ESYT2: variants seen among roughly 807,000 people sequenced by gnomAD.
ESYT2 encodes extended synaptotagmin 2, also known as extended synaptotagmin-2.
A neutral mutation model predicts 107.2 loss-of-function variants in ESYT2; 54 were observed. The ratio of observed to expected loss-of-function variants is 0.50; its 90% CI spans 0.40 to 0.63. ESYT2 has a LOEUF of 0.63. ESYT2 is among the 30% of genes least tolerant of loss of function. The pLI, the probability that ESYT2 is intolerant of heterozygous loss-of-function variation, is 0.00. For missense variants in ESYT2, 1,020 were observed against 1,094.5 expected (o/e 0.93, Z 0.96); for synonymous variants, 491 against 434.1 (o/e 1.13, Z -1.63).
At chr7:158,825,855 C>T (rs1840424192) in intron 1 of ESYT2, among the ~76,000 whole-genome samples, 1 of 151,984 alleles carries the variant, frequency 6.6e-6, no homozygotes, top group South Asian at 2.1e-4. Context: ...GTTCAGAAAC[C>T]CCAAGCACCA....
chr7:158,756,478 T>C (rs1241905723), intron 13 of ESYT2, among the ~76,000 whole-genome samples: 1 of 152,224 alleles, frequency 6.6e-6, no homozygotes, highest in Non-Finnish European at 1.5e-5. Flanking sequence ...GTAAATCATG[T>C]AAGTGAAGGC....
intron 4 of ESYT2, among the ~76,000 whole-genome samples, chr7:158,792,777 T>G (rs1839343864): frequency 6.9e-6 from 1 of 144,716 alleles, no homozygotes; most frequent in Admixed American, 6.9e-5. Flanking sequence ...TTTTTTTTTT[T>G]TTTTTTTTTG....
At chr7:158,747,632 T>C (rs1837450221) in intron 16 of ESYT2, among the ~76,000 whole-genome samples, 1 of 152,160 alleles carries the variant, frequency 6.6e-6, no homozygotes, top group Non-Finnish European at 1.5e-5. Context: ...GCACAATCTC[T>C]TTGGAAAACA....
At chr7:158,747,472 G>T (rs1402349975) in intron 16 of ESYT2, among the ~76,000 whole-genome samples, 4 of 151,768 alleles carry the variant, frequency 2.6e-5, no homozygotes, top group Admixed American at 6.6e-5. Flanking sequence ...AAGATACAAA[G>T]ACCGTAAAAA....
At chr7:158,813,884 C>T (rs1021783083) in intron 1 of ESYT2, among the ~76,000 whole-genome samples, 18 of 151,236 alleles carry the variant, frequency 1.2e-4, no homozygotes, top group Non-Finnish European at 2.4e-4. Flanking sequence ...TAAAAATATA[C>T]GTTCCTCGTC....
chr7:158,804,409 AAAAGTGAGGCACGTG>A (rs557682963), intron 1 of ESYT2, among the ~76,000 whole-genome samples: 1 of 148,372 alleles, frequency 6.7e-6, no homozygotes, highest in Non-Finnish European at 1.5e-5. Flanking sequence ...AACTGTTGAG[AAAAGTGAGGCACGTG>A]ACAAACCCAA....
chr7:158,786,206 C>G (rs973679717), intron 6 of ESYT2, among the ~76,000 whole-genome samples: 1 of 152,180 alleles, frequency 6.6e-6, no homozygotes, highest in Non-Finnish European at 1.5e-5. Flanking sequence ...AACTAAGTAA[C>G]AGCACTATTA....
At chr7:158,809,253 G>A (rs921798301) in intron 1 of ESYT2, among the ~76,000 whole-genome samples, 4 of 151,884 alleles carry the variant, frequency 2.6e-5, no homozygotes, top group East Asian at 3.9e-4. Flanking sequence ...CAAGGCGGGC[G>A]GATCACAACG....
chr7:158,767,222 C>A (rs1354911126), intron 8 of ESYT2, among the ~76,000 whole-genome samples: 2 of 152,194 alleles, frequency 1.3e-5, no homozygotes, highest in Non-Finnish European at 2.9e-5. Flanking sequence ...TCAGAGGCAA[C>A]GGAATTCTAA....
chr7:158,757,849 C>A (rs1490449086), intron 13 of ESYT2, among the ~76,000 whole-genome samples: 2 of 151,856 alleles, frequency 1.3e-5, no homozygotes, highest in African/African-American at 2.4e-5. Flanking sequence ...AGAGGCCTAA[C>A]CTTTTGTAGT....
At chr7:158,740,345 T>G (rs1023107211) in intron 18 of ESYT2, among the ~76,000 whole-genome samples, 4 of 152,214 alleles carry the variant, frequency 2.6e-5, no homozygotes, top group African/African-American at 4.8e-5. Flanking sequence ...GGATAAGGAA[T>G]AGTCTCCTTT....
At chr7:158,818,797 G>A (rs968674003) in intron 1 of ESYT2, among the ~76,000 whole-genome samples, 4 of 152,238 alleles carry the variant, frequency 2.6e-5, no homozygotes, top group South Asian at 2.1e-4. Context: ...AGGAAGGGGT[G>A]GGTCTCAGGG....
At position 158,793,733 on chromosome 7, in the gene ESYT2, TAAG is replaced by T. The variant is rs1454224091; in HGVS notation, c.508-10_508-8del. The T allele has an allele frequency of 1.9e-6, 3 of 1,609,518 alleles. No homozygotes were observed. The highest frequency in any genetic ancestry group is 1.7e-6 in the Non-Finnish European group (2 of 1,177,690). On this transcript the variant is annotated splice_region_variant and splice_polypyrimidine_tract_variant and intron_variant, in intron 3 of 22. Coordinates refer to ENST00000275418, the MANE Select transcript of ESYT2 (RefSeq NM_001367773.1). ...CACCATTGATCCTGAGGGGCTGAAA[TAAG>T]AAGTAGCTTATTTTAAGATACAGAG...
At chr7:158,739,802 T>C (rs922690850) in intron 18 of ESYT2, among the ~76,000 whole-genome samples, 14 of 152,044 alleles carry the variant, frequency 9.2e-5, no homozygotes, top group African/African-American at 3.1e-4. Flanking sequence ...ACCCCCCCCT[T>C]CGCAGTTCAG....
chr7:158,767,035 T>C (rs990427746), intron 8 of ESYT2, among the ~76,000 whole-genome samples: 1 of 152,236 alleles, frequency 6.6e-6, no homozygotes, highest in African/African-American at 2.4e-5. Context: ...TGCTGGGTGC[T>C]GTCCCATTTT....
chr7:158,743,664 C>T lies in ESYT2; in HGVS notation c.1659G>A (p.Gln553=). The part of the protein sequence containing the change: ...QDLEVEVRDE[Q]HQCSLGNLKV... ...TCAGGTTCCCCAGGGAACACTGGTG[C>T]TGCTCGTCTCTGACCTGCAAAACAC... The change falls in exon 17 of 23, where the codon CAG becomes CAA. Residue 553 remains glutamine, a synonymous_variant. Coordinates refer to ENST00000275418, the MANE Select transcript of ESYT2 (RefSeq NM_001367773.1). The T allele has an allele frequency of 1.2e-6, 2 of 1,611,072 alleles. No individual in the cohort carries two copies. Among genetic ancestry groups the T allele is most frequent in the Non-Finnish European group, 1.7e-6 (2 of 1,179,196 alleles).
intron 8 of ESYT2, among the ~76,000 whole-genome samples, chr7:158,765,915 G>A (rs1224293854): frequency 6.6e-6 from 1 of 151,844 alleles, no homozygotes; most frequent in Non-Finnish European, 1.5e-5. Context: ...ATTACAGAGT[G>A]ATGGCCAGGT....
rs1287947285 is a variant in ESYT2, at chr7:158,767,648, G to C, written c.924+6C>G. On this transcript the variant is annotated splice_donor_region_variant and intron_variant, in intron 8 of 22. Transcript: ENST00000275418. ...TAAATGTGAATGGATGCCGGGACAC[G>C]CTTACCTTTGGTACAGGAAACCGCA... 1 of 1,608,276 alleles carries C rather than the reference G, an allele frequency of 6.2e-7. No individual in the cohort carries two copies. The highest frequency in any genetic ancestry group is 2.2e-5 in the East Asian group (1 of 44,616).
intron 10 of ESYT2, 99 bp from the exon 11 acceptor site, chr7:158,761,643 T>C: frequency 9.1e-7 from 1 of 1,099,476 alleles, no homozygotes; most frequent in South Asian, 1.3e-5. Flanking sequence ...TGAAACAACC[T>C]TAAGCATTTG....
Sources: allele counts gnomAD v4.1 joint callset (sites outside exome capture counted in the v4.1 genomes callset), GRCh38; gene constraint gnomAD v4.1.1; transcripts MANE v1.5; gene names NCBI Gene and HGNC (gene_info 2026-07-23, HGNC 2026-07-21).